Variants in THSD7B observed in about 807,000 individuals in gnomAD.
THSD7B encodes thrombospondin type 1 domain containing 7B, also known as thrombospondin type-1 domain-containing protein 7B.
A neutral mutation model predicts 213.6 loss-of-function variants in THSD7B; 138 were observed. That is an observed-to-expected ratio of 0.65 (90% CI 0.56 to 0.74). The LOEUF is 0.74. THSD7B is among the 30% of genes least tolerant of loss of function. The pLI, the probability that THSD7B is intolerant of heterozygous loss-of-function variation, is 0.00. For missense variants in THSD7B, 1,931 were observed against 1,991.5 expected (o/e 0.97, Z 0.58); for synonymous variants, 742 against 687.0 (o/e 1.08, Z -1.25).
chr2:137,147,219 G>A (rs1267894708), intron 5 of THSD7B, among the ~76,000 whole-genome samples: 1 of 152,084 alleles, frequency 6.6e-6, no homozygotes, highest in African/African-American at 2.4e-5. Context: ...ATGCACATGG[G>A]AAGAAGATGC....
At chr2:136,785,068 G>C (rs1032969919) in intron 1 of THSD7B, among the ~76,000 whole-genome samples, 1 of 152,188 alleles carries the variant, frequency 6.6e-6, no homozygotes, top group African/African-American at 2.4e-5. Flanking sequence ...CTTGTTGTGG[G>C]AGGGGCTTCT....
intron 15 of THSD7B, among the ~76,000 whole-genome samples, chr2:137,535,391 A>G (rs1680485502): frequency 6.6e-6 from 1 of 151,784 alleles, no homozygotes; most frequent in African/African-American, 2.4e-5. Context: ...CAGGTAATGA[A>G]TAAATTGGAT....
At chr2:137,427,846 A>G (rs1687094183) in intron 14 of THSD7B, among the ~76,000 whole-genome samples, 1 of 152,192 alleles carries the variant, frequency 6.6e-6, no homozygotes, top group Non-Finnish European at 1.5e-5. Context: ...CTCACCACAC[A>G]CAAAAACAGG....
At chr2:137,471,044 C>T (rs968867323) in intron 15 of THSD7B, among the ~76,000 whole-genome samples, 1 of 151,716 alleles carries the variant, frequency 6.6e-6, no homozygotes, top group Admixed American at 6.6e-5. Context: ...CTCAGCCTCC[C>T]AAGTAGCTGG....
chr2:136,926,795 A>T (rs556151812), intron 2 of THSD7B, among the ~76,000 whole-genome samples: 9 of 152,172 alleles, frequency 5.9e-5, no homozygotes, highest in Middle Eastern at 3.4e-3. Flanking sequence ...ATTGCTGTGG[A>T]ATCTTCTCAG....
intron 1 of THSD7B, among the ~76,000 whole-genome samples, chr2:136,870,968 T>C (rs1683422347): frequency 6.6e-6 from 1 of 151,942 alleles, no homozygotes; most frequent in Admixed American, 6.6e-5. Context: ...CTGGGGAGAA[T>C]TGGTGTCTTG....
chr2:137,593,807 T>C (rs186723501), intron 17 of THSD7B, among the ~76,000 whole-genome samples: 19 of 152,130 alleles, frequency 1.2e-4, no homozygotes, highest in African/African-American at 4.6e-4. Flanking sequence ...TTTTATTTTA[T>C]GGTTAATATC....
chr2:137,308,654 TTA>T (rs1683814565), intron 12 of THSD7B, among the ~76,000 whole-genome samples: 2 of 152,084 alleles, frequency 1.3e-5, no homozygotes, highest in African/African-American at 2.4e-5. Context: ...TATAAGAATA[TTA>T]TATGTTTTTG....
intron 2 of THSD7B, among the ~76,000 whole-genome samples, chr2:136,964,215 C>G (rs1050511440): frequency 1.3e-5 from 2 of 152,146 alleles, no homozygotes; most frequent in Non-Finnish European, 2.9e-5. Flanking sequence ...ACTCAATTCT[C>G]CTTTCACTAA....
intron 17 of THSD7B, among the ~76,000 whole-genome samples, chr2:137,581,708 C>A (rs893948185): frequency 6.8e-6 from 1 of 146,094 alleles, no homozygotes; most frequent in East Asian, 2.0e-4. Flanking sequence ...TGCAGTGAGC[C>A]GAGATCCCGC....
At chr2:136,805,290 G>A (rs1035069328) in intron 1 of THSD7B, among the ~76,000 whole-genome samples, 3 of 152,104 alleles carry the variant, frequency 2.0e-5, no homozygotes, top group Non-Finnish European at 4.4e-5. Context: ...CTGTGTTTGC[G>A]GCAGTTAGAT....
intron 2 of THSD7B, among the ~76,000 whole-genome samples, chr2:137,017,657 C>T (rs1406010931): frequency 6.6e-6 from 1 of 152,156 alleles, no homozygotes. Flanking sequence ...TTTCCAGTGT[C>T]AGGACATCCC....
At chr2:136,917,922 A>G (rs1245722156) in intron 2 of THSD7B, among the ~76,000 whole-genome samples, 2 of 152,242 alleles carry the variant, frequency 1.3e-5, no homozygotes, top group African/African-American at 4.8e-5. Flanking sequence ...GCTTAGGGTT[A>G]GGGGAAGACA....
At chr2:137,238,085 G>A (rs998709822) in intron 9 of THSD7B, among the ~76,000 whole-genome samples, 12 of 152,180 alleles carry the variant, frequency 7.9e-5, no homozygotes, top group African/African-American at 2.7e-4. Flanking sequence ...AGTGTTTATG[G>A]TGAGTGATGC....
chr2:137,129,133 A>T (rs73958367), intron 5 of THSD7B, among the ~76,000 whole-genome samples: 3 of 152,108 alleles, frequency 2.0e-5, no homozygotes, highest in Non-Finnish European at 4.4e-5. Flanking sequence ...CCTTTTATAA[A>T]GAAGAAGATA....
rs567918525 is a variant in THSD7B, at chr2:136,991,125, A to T, written c.140-65295A>T. On this transcript the variant is annotated intron_variant, in intron 2 of 27. Coordinates refer to ENST00000409968, the MANE Select transcript of THSD7B (RefSeq NM_001316349.2). ...TTTGCCTCATCATAAAGTACTAGGC[A>T]TATAATTTAGCATTTTAAAACTCAA... is the stretch of plus-strand genomic sequence containing the variant. 4.6e-5 allele frequency among the ~76,000 whole-genome samples: 7 copies of T among 152,356 alleles called. No homozygotes were observed. The South Asian group carries it at 1.4e-3, about 32-fold the overall frequency.
intron 15 of THSD7B, among the ~76,000 whole-genome samples, chr2:137,537,407 A>G (rs779562457): frequency 2.6e-5 from 4 of 151,740 alleles, no homozygotes; most frequent in Non-Finnish European, 4.4e-5. Flanking sequence ...AATAATATAT[A>G]AATGGCAACT....
chr2:137,095,266 C>A, intron 4 of THSD7B, 145 bp downstream of exon 4: 1 of 1,172,930 alleles, frequency 8.5e-7, no homozygotes, highest in African/African-American at 1.6e-5. Context: ...CATAGGAGAG[C>A]GGGTTAAGAT....
At chr2:137,626,325 GC>G (rs1682628387) in intron 20 of THSD7B, among the ~76,000 whole-genome samples, 1 of 152,082 alleles carries the variant, frequency 6.6e-6, no homozygotes, top group Non-Finnish European at 1.5e-5. Context: ...TTAGCCAGGT[GC>G]CGTGGCGGGC....
Sources: gnomAD v4.1 joint callset for allele counts (sites outside exome capture counted in the v4.1 genomes callset) on GRCh38, gnomAD v4.1.1 for gene constraint, MANE v1.5 for transcripts, NCBI Gene and HGNC (gene_info 2026-07-23, HGNC 2026-07-21) for gene names.